The following POLR2F variants were observed in gnomAD, a reference collection of about 807,000 sequenced individuals.
POLR2F encodes the protein DNA-directed RNA polymerases I, II, and III subunit RPABC2.
Under a neutral mutation model 22.7 loss-of-function variants are expected in POLR2F, and 12 were observed. The ratio of observed to expected loss-of-function variants is 0.53; its 90% CI spans 0.34 to 0.86. The LOEUF (loss-of-function observed/expected upper bound fraction) is 0.86. POLR2F is among the 40% of genes least tolerant of loss of function. The pLI, the probability that POLR2F is intolerant of heterozygous loss-of-function variation, is 0.02. For synonymous variants in POLR2F, 57 were observed against 66.0 expected (o/e 0.86, Z 0.66); for missense variants, 126 against 171.5 (o/e 0.73, Z 1.48).
At position 38,017,738 on chromosome 22, in the gene POLR2F, C is replaced by G. The variant is rs1601910119; in HGVS notation, c.121-8131C>G. Reference sequence around the variant, plus strand: ...AAGTCACCCGCCCCCGCTGGCACAGCTCCAGTGACATGGAGCTCACTCCTC... The same window carrying G: ...AAGTCACCCGCCCCCGCTGGCACAGGTCCAGTGACATGGAGCTCACTCCTC... On this transcript the variant is annotated intron_variant, in intron 1 of 2. Transcript: ENST00000333418. This position sits in a 1 kb window ranked among gnomAD's most constrained non-coding sequence, Gnocchi z 4.1. Among the ~76,000 whole-genome samples the G allele has an allele frequency of 1.3e-5, 2 of 152,216 alleles. No individual in the cohort carries two copies. Among genetic ancestry groups the G allele is most frequent in the African/African-American group, 4.8e-5 (2 of 41,460 alleles).
intron 1 of POLR2F, among the ~76,000 whole-genome samples, chr22:37,991,169 T>C (rs1427970302): frequency 6.7e-6 from 1 of 148,722 alleles, no homozygotes. Flanking sequence ...TTGCCCAGGC[T>C]GGAGTGCAGT....
chr22:37,985,818 A>AACACACACACACACAC (rs60447362), upstream of POLR2F, among the ~76,000 whole-genome samples: 1 of 144,392 alleles, frequency 6.9e-6, no homozygotes, highest in Non-Finnish European at 1.5e-5. Flanking sequence ...CAGACACTGG[A>AACACACACACACACAC]ACACACACAC....
In POLR2F at chr22:37,959,461, G is replaced by A. The variant is rs763720250; in HGVS notation, c.206G>A (p.Arg69Gln). The A allele has an allele frequency of 2.5e-6, 4 of 1,613,684 alleles. No individual in the cohort carries two copies. The African/African-American group carries it at 4.0e-5, about 16-fold the overall frequency. Residue 69 changes from arginine to glutamine, a missense_variant, in exon 3 of 5, where the codon CGA (arginine) becomes CAA (glutamine). Arg to Gln is a conservative substitution (Grantham distance 43). Transcript: ENST00000442738. Reference protein sequence around the residue: ...KYERARVLGTRALQIAMCAPV... With the variant: ...KYERARVLGTQALQIAMCAPV... ...GAGCGAGCCCGCGTGCTGGGCACCC[G>A]AGCGCTCCAGATTGCGTGAGTGATT...
At chr22:37,958,722 C>G (rs1468899659) in intron 2 of POLR2F, among the ~76,000 whole-genome samples, 1 of 152,062 alleles carries the variant, frequency 6.6e-6, no homozygotes. Context: ...GTGAGGTGTC[C>G]CCACCTCCTC....
Position 37,999,972 on chromosome 22 carries a change from G to T in POLR2F, c.120+13660G>T, listed in dbSNP as rs1398890779. 2.0e-5 allele frequency among the ~76,000 whole-genome samples: 3 copies of T among 152,204 alleles called. No individual in the cohort carries two copies. The East Asian group carries it at 5.8e-4, about 29-fold the overall frequency. The stretch of plus-strand genomic sequence containing the variant: ...TGACTGCCTGGATCTGCACCTGGCA[G>T]CCTGTGCCCGCTAGGCGAATCGCAG... On this transcript the variant is annotated intron_variant, in intron 1 of 2. Coordinates refer to the POLR2F transcript ENST00000333418.
downstream of POLR2F, chr22:37,974,129 G>A (rs746972348): frequency 1.6e-5 from 25 of 1,612,654 alleles, no homozygotes; most frequent in East Asian, 4.5e-5. The surrounding 1 kb of genome is among the most constrained non-coding windows in gnomAD (Gnocchi z 5.4). Context: ...GTCCCGCTTC[G>A]GGTCTGCCTT....
chr22:38,019,937 C>A (rs1377850633), intron 1 of POLR2F, among the ~76,000 whole-genome samples: 1 of 152,100 alleles, frequency 6.6e-6, no homozygotes, highest in Non-Finnish European at 1.5e-5. Flanking sequence ...TCACTTGAAC[C>A]CGGGAGGCAG....
Position 37,969,049 on chromosome 22 carries a change from T to A in POLR2F, c.*1334T>A. 1.0e-6 allele frequency: 1 copy of A among 985,442 alleles called. No individual in the cohort carries two copies. Among genetic ancestry groups the A allele is most frequent in the Non-Finnish European group, 1.2e-6 (1 of 829,960 alleles). 61.0% of individuals were successfully genotyped at this position (985,442 alleles called of 1,614,324 possible). ...GCCCCAGAGTGCGGGGGTCACTTTC[T>A]CGGCCCCATTTCTCTAAATGGTCTC... is the stretch of plus-strand genomic sequence containing the variant. On this transcript the variant is annotated 3_prime_UTR_variant, in exon 5 of 5. Coordinates refer to ENST00000442738, the MANE Select transcript of POLR2F (RefSeq NM_021974.5).
intron 1 of POLR2F, among the ~76,000 whole-genome samples, chr22:37,993,131 C>T (rs570867598): frequency 6.6e-6 from 1 of 152,224 alleles, no homozygotes; most frequent in African/African-American, 2.4e-5. Flanking sequence ...TGGTGTTGTC[C>T]CTGGAGTGGA....
intron 5 of POLR2F, among the ~76,000 whole-genome samples, chr22:38,036,610 G>A (rs986072487): frequency 1.3e-5 from 2 of 151,328 alleles, no homozygotes; most frequent in Admixed American, 6.6e-5. Context: ...AGGAGTGGCT[G>A]CAAGGGATGG....
chr22:37,958,189 T>A (rs934530058), intron 2 of POLR2F, among the ~76,000 whole-genome samples: 3 of 145,234 alleles, frequency 2.1e-5, no homozygotes, highest in African/African-American at 7.5e-5. Context: ...AGAGTCAACT[T>A]TTTTTTTTTT....
At chr22:37,955,654 C>T (rs920371196) in intron 1 of POLR2F, among the ~76,000 whole-genome samples, 1 of 151,756 alleles carries the variant, frequency 6.6e-6, no homozygotes, top group South Asian at 2.1e-4. Context: ...TAAAATGGAA[C>T]AAAAGTCGGA....
intron 3 of POLR2F, among the ~76,000 whole-genome samples, chr22:37,964,235 G>A (rs1206100675): frequency 2.0e-5 from 3 of 152,164 alleles, no homozygotes; most frequent in African/African-American, 7.2e-5. Flanking sequence ...GGTACAAAGA[G>A]AGTTATTGCA....
chr22:37,995,923 TG>T (rs1326976190), intron 1 of POLR2F, among the ~76,000 whole-genome samples: 1 of 151,910 alleles, frequency 6.6e-6, no homozygotes, highest in Non-Finnish European at 1.5e-5. Context: ...CACCTGAGCC[TG>T]GGAAGTTGAG....
chr22:38,018,370 G>T (rs968436701), intron 1 of POLR2F, among the ~76,000 whole-genome samples: 1 of 152,206 alleles, frequency 6.6e-6, no homozygotes, highest in African/African-American at 2.4e-5. Context: ...TCACTCTGGG[G>T]TCTGCAGAGT....
In POLR2F at chr22:37,968,375, T is replaced by C. The variant is rs375333588; in HGVS notation, c.*660T>C. On this transcript the variant is annotated 3_prime_UTR_variant, in exon 5 of 5. Transcript: ENST00000442738. ...TCCTCAGGACTCTGCCCACACGCTG[T>C]CCTCTGTGGCCCACCTCTTTGGTGT... 2.0e-6 allele frequency: 2 copies of C among 985,802 alleles called. No homozygotes were observed. The highest frequency in any genetic ancestry group is 5.2e-4 in the Middle Eastern group (1 of 1,920). The allele number at this position is 985,802 out of a possible 1,614,324, so 61.1% of individuals were successfully genotyped here. A position where few individuals can be genotyped will look rare whatever the true frequency, so the allele number is the denominator to read the frequency against.
Position 37,997,554 on chromosome 22 carries a change from G to A in POLR2F, c.120+11242G>A, listed in dbSNP as rs1435307122. 6.6e-6 allele frequency among the ~76,000 whole-genome samples: 1 copy of A among 152,078 alleles called. No individual in the cohort carries two copies. The highest frequency in any genetic ancestry group is 2.4e-5 in the African/African-American group (1 of 41,412). ...GCCCTGCCTCTGTAAATGTGGGGAG[G>A]ACCCTGGGAAAATGACAGAGATGGG... On this transcript the variant is annotated intron_variant, in intron 1 of 2. Transcript: ENST00000333418. The surrounding 1 kb of genome is among the most constrained non-coding windows in gnomAD (Gnocchi z 4.4).
downstream of POLR2F, among the ~76,000 whole-genome samples, chr22:38,027,378 C>T (rs1268940766): frequency 6.6e-6 from 1 of 152,032 alleles, no homozygotes; most frequent in Non-Finnish European, 1.5e-5. Context: ...GCGTGTCACC[C>T]ATGTGGGGCA....
At chr22:38,031,501 G>C (rs2085065395), downstream of POLR2F, among the ~76,000 whole-genome samples, 1 of 152,202 alleles carries the variant, frequency 6.6e-6, no homozygotes, top group Admixed American at 6.5e-5. This position sits in a 1 kb window ranked among gnomAD's most constrained non-coding sequence, Gnocchi z 4.1. Flanking sequence ...GACTGGGTCT[G>C]ATTCACCACC....
Sources: allele counts gnomAD v4.1 joint callset (sites outside exome capture counted in the v4.1 genomes callset), GRCh38; gene constraint gnomAD v4.1.1; non-coding constraint Gnocchi (gnomAD v3.1); transcripts MANE v1.5; gene names NCBI Gene and HGNC (gene_info 2026-07-23, HGNC 2026-07-21).